IL5RA: variants seen among roughly 807,000 people sequenced by gnomAD.
IL5RA encodes the protein interleukin 5 receptor subunit alpha.
In IL5RA, 49 loss-of-function variants were observed where a neutral mutation model predicts 50.0. The ratio of observed to expected loss-of-function variants is 0.98; its 90% CI spans 0.78 to 1.24. The LOEUF (loss-of-function observed/expected upper bound fraction) is 1.24, where lower values mean the gene tolerates loss of function less well. Among genes scored for constraint, IL5RA ranks in the 50% most tolerant of loss-of-function variants. The pLI, the probability that IL5RA is intolerant of heterozygous loss-of-function variation, is 0.00. For missense variants in IL5RA, 600 were observed against 500.4 expected (o/e 1.20, Z -1.90); for synonymous variants, 202 against 174.0 (o/e 1.16, Z -1.26).
At chr3:3,085,169 A>G (rs1276431909) in intron 9 of IL5RA, among the ~76,000 whole-genome samples, 4 of 152,224 alleles carry the variant, frequency 2.6e-5, no homozygotes, top group Non-Finnish European at 5.9e-5. Context: ...TGACCAAGCC[A>G]TCTGTCTACA....
Position 3,097,865 on chromosome 3 carries a change from C to G in IL5RA, c.709+5G>C, listed in dbSNP as rs1703435482. The G allele has an allele frequency of 5.0e-6, 8 of 1,609,004 alleles. 1 individual carries two copies. In the South Asian group the frequency reaches 8.8e-5, roughly 18 times the overall value. On this transcript the variant is annotated splice_donor_5th_base_variant and intron_variant, in intron 7 of 11. Coordinates refer to ENST00000446632, the MANE Select transcript of IL5RA (RefSeq NM_175726.4). Reference sequence around the variant, plus strand: ...TATTTCAGCTTTGGGTTAAGTCGGTCTTACCAATGGCGTGAAGGGCAAACA... The same window carrying G: ...TATTTCAGCTTTGGGTTAAGTCGGTGTTACCAATGGCGTGAAGGGCAAACA...
Position 3,092,038 on chromosome 3 carries a change from T to C in IL5RA, c.994+186A>G. 1.5e-6 allele frequency: 2 copies of C among 1,367,348 alleles called. No homozygotes were observed. The highest frequency in any genetic ancestry group is 1.9e-6 in the Non-Finnish European group (2 of 1,064,392). 84.7% of individuals were successfully genotyped at this position (1,367,348 alleles called of 1,614,324 possible). A position where few individuals can be genotyped will look rare whatever the true frequency, so the allele number is the denominator to read the frequency against. ...TGGCGCTAATGAGAAGCCTAGACACTTAAAAACTTCACTGGCTTCATGGCA... is the reference window on the plus strand; with the variant it reads ...TGGCGCTAATGAGAAGCCTAGACACCTAAAAACTTCACTGGCTTCATGGCA... On this transcript the variant is annotated intron_variant, in intron 9 of 11. Coordinates refer to ENST00000446632, the MANE Select transcript of IL5RA (RefSeq NM_175726.4). This position sits in a 1 kb window ranked among gnomAD's most constrained non-coding sequence, Gnocchi z 4.2.
In IL5RA at chr3:3,074,847, A is replaced by G. The variant is rs1702422579; in HGVS notation, c.1111T>C (p.Leu371=). The G allele has an allele frequency of 6.2e-7, 1 of 1,607,524 alleles. No individual in the cohort carries two copies. Among genetic ancestry groups the G allele is most frequent in the Non-Finnish European group, 8.5e-7 (1 of 1,173,978 alleles). The change falls in exon 11 of 12, where the codon TTG becomes CTG. Residue 371 remains leucine (L), a synonymous_variant. Transcript: ENST00000446632. ...TTTGGTGCTGGAATTGGTGGAAACA[A>G]CTTGATCCATAAATGACATCTGAAA... is the stretch of plus-strand genomic sequence containing the variant. ...ICKICHLWIK[L]FPPIPAPKSN...
chr3:3,071,242 G>C (rs989458056), intron 11 of IL5RA, among the ~76,000 whole-genome samples: 11 of 152,180 alleles, frequency 7.2e-5, no homozygotes, highest in Non-Finnish European at 1.5e-4. Context: ...CCATTTTACT[G>C]TTAATAGTTT....
intron 9 of IL5RA, among the ~76,000 whole-genome samples, chr3:3,087,840 G>C (rs1205426656): frequency 2.0e-5 from 3 of 152,186 alleles, no homozygotes; most frequent in Non-Finnish European, 4.4e-5. Context: ...GGATAAAAAA[G>C]AGCCATGCAA....
At chr3:3,071,578 TG>T (rs1559858848) in intron 11 of IL5RA, among the ~76,000 whole-genome samples, 1 of 147,334 alleles carries the variant, frequency 6.8e-6, no homozygotes, top group East Asian at 2.0e-4. Flanking sequence ...TGTGTGTGTG[TG>T]TGTGTGTGTG....
At chr3:3,084,157 C>T (rs1422600170) in intron 9 of IL5RA, among the ~76,000 whole-genome samples, 2 of 151,072 alleles carry the variant, frequency 1.3e-5, no homozygotes, top group African/African-American at 4.9e-5. Flanking sequence ...CATTATAAAA[C>T]AGGGATAAGG....
At chr3:3,086,526 G>C (rs1012880923) in intron 9 of IL5RA, among the ~76,000 whole-genome samples, 1 of 151,894 alleles carries the variant, frequency 6.6e-6, no homozygotes, top group Non-Finnish European at 1.5e-5. Context: ...AACGAGTACT[G>C]ATAAAATGAA....
rs7639988 is a variant in IL5RA at position 3,091,900 on chromosome 3, T to C, written c.994+324A>G. The C allele has an allele frequency of 0.015, 11,621 of 799,932 alleles. 1,101 individuals carry two copies. The African/African-American group carries it at 0.19, about 13-fold the overall frequency. The allele number at this position is 799,932 out of a possible 1,614,324, so 49.6% of individuals were successfully genotyped here. On this transcript the variant is annotated intron_variant, in intron 9 of 11. Coordinates refer to ENST00000446632, the MANE Select transcript of IL5RA (RefSeq NM_175726.4). ...AGAGACACAGGATCTCTATTATTTC[T>C]TCCCACAGCTTGTGAGTGTGATAAT...
intron 9 of IL5RA, chr3:3,090,367 C>T: frequency 1.3e-6 from 1 of 776,174 alleles, no homozygotes; most frequent in Non-Finnish European, 2.2e-6. Flanking sequence ...TCCCACCATC[C>T]CATGCTCTTA....
At position 3,099,783 on chromosome 3, in the gene IL5RA, C is replaced by A. The variant is rs1703554160; in HGVS notation, c.368-1493G>T. Among the ~76,000 whole-genome samples the A allele has an allele frequency of 2.6e-5, 4 of 152,020 alleles. No homozygotes were observed. The South Asian group carries it at 8.3e-4, about 32-fold the overall frequency. ...CTCCCGGGTTCAAGCAGTTCTCCTG[C>A]CTCAGCCTCCCGAGTAACTGGGATT... On this transcript the variant is annotated intron_variant, in intron 5 of 11. Coordinates refer to ENST00000446632, the MANE Select transcript of IL5RA (RefSeq NM_175726.4).
chr3:3,101,693 T>G lies in IL5RA; in HGVS notation c.366A>C (p.Pro122=). Residue 122 remains proline, a splice_region_variant and synonymous_variant, in exon 5 of 12, where the codon CCA becomes CCC. Transcript: ENST00000446632. ...TGGACTTTTGGAGGCCTGCTTTACCTGGTGGGGCATGAAGTTCAGCAGAAG... is the reference window on the plus strand; with the variant it reads ...TGGACTTTTGGAGGCCTGCTTTACCGGGTGGGGCATGAAGTTCAGCAGAAG... ...SWASAELHAP[P]GSPGTSIVNL... 1 of 1,613,480 alleles carries G rather than the reference T, an allele frequency of 6.2e-7. No individual in the cohort carries two copies. The highest frequency in any genetic ancestry group is 8.5e-7 in the Non-Finnish European group (1 of 1,179,858).
At chr3:3,093,390 T>A (rs1703217346) in intron 8 of IL5RA, among the ~76,000 whole-genome samples, 1 of 152,204 alleles carries the variant, frequency 6.6e-6, no homozygotes, top group South Asian at 2.1e-4. Flanking sequence ...ATTTGGAAGT[T>A]TTGATAGCAA....
chr3:3,105,044 G>A (rs1703844094), intron 2 of IL5RA, 57 bp from the exon 3 acceptor site: 1 of 1,087,174 alleles, frequency 9.2e-7, no homozygotes, highest in Admixed American at 1.8e-5. Context: ...AAGAAAAACT[G>A]ATAGCTGCTT....
Position 3,104,390 on chromosome 3 carries a change from G to A in IL5RA, c.82+513C>T, listed in dbSNP as rs148584952. On this transcript the variant is annotated intron_variant, in intron 3 of 11. Transcript: ENST00000446632. ...GTTGCACTATCCATATTTCAAGGGC[G>A]CAATAGTCACATATGGCTAGTGGCT... 2.8e-3 allele frequency among the ~76,000 whole-genome samples: 420 copies of A among 152,258 alleles called. 3 individuals carry two copies. The highest frequency in any genetic ancestry group is 9.2e-3 in the African/African-American group (383 of 41,552).
At chr3:3,099,507 T>C (rs981409138) in intron 5 of IL5RA, among the ~76,000 whole-genome samples, 3 of 151,900 alleles carry the variant, frequency 2.0e-5, no homozygotes, top group Non-Finnish European at 4.4e-5. Flanking sequence ...CATGTGCCTA[T>C]AGTTCCAGCT....
chr3:3,077,309 TTTA>T (rs1473102619), intron 9 of IL5RA, among the ~76,000 whole-genome samples: 2 of 152,218 alleles, frequency 1.3e-5, no homozygotes, highest in Non-Finnish European at 2.9e-5. Flanking sequence ...ACTTCTTTTT[TTTA>T]TTATTATACT....
chr3:3,091,589 A>G (rs890745423), intron 9 of IL5RA, among the ~76,000 whole-genome samples: 5 of 152,090 alleles, frequency 3.3e-5, no homozygotes, highest in African/African-American at 4.8e-5. Context: ...AAAATTAGCC[A>G]GGCGTGGTGG....
At chr3:3,095,658 T>A (rs1387632041) in intron 7 of IL5RA, among the ~76,000 whole-genome samples, 5 of 152,102 alleles carry the variant, frequency 3.3e-5, no homozygotes, top group Non-Finnish European at 1.5e-5. Context: ...AAGAGACCCT[T>A]TCTGGAAACT....
Sources: gnomAD v4.1 joint callset for allele counts (sites outside exome capture counted in the v4.1 genomes callset) on GRCh38, gnomAD v4.1.1 for gene constraint, Gnocchi (gnomAD v3.1) non-coding constraint, MANE v1.5 for transcripts, NCBI Gene and HGNC (gene_info 2026-07-23, HGNC 2026-07-21) for gene names.